METTL15: variants seen among roughly 807,000 people sequenced by gnomAD.
METTL15 encodes the protein 12S rRNA N(4)-cytidine methyltransferase METTL15.
A neutral mutation model predicts 38.3 loss-of-function variants in METTL15; 34 were observed. The observed-to-expected ratio is 0.89, with a 90% CI of 0.68 to 1.18. METTL15 has a LOEUF of 1.18. Among genes scored for constraint, METTL15 ranks in the 50% most tolerant of loss-of-function variants. The pLI is 0.00. For synonymous variants in METTL15, 162 were observed against 170.9 expected (o/e 0.95, Z 0.41); for missense variants, 438 against 498.4 (o/e 0.88, Z 1.15).
chr11:28,334,398 A>G (rs1011275551), downstream of METTL15, among the ~76,000 whole-genome samples: 2 of 152,024 alleles, frequency 1.3e-5, no homozygotes, highest in Admixed American at 6.6e-5. Context: ...TACTGCAATT[A>G]TTTTTCTATT....
intron 6 of METTL15, among the ~76,000 whole-genome samples, chr11:28,431,789 T>TAAAAAAAAAA (rs1564929855): frequency 2.0e-4 from 2 of 9,948 alleles, no homozygotes; most frequent in Non-Finnish European, 6.1e-4. Context: ...AAAAATAAAT[T>TAAAAAAAAAA]TAAAAAAAAA....
At chr11:28,392,424 T>C (rs1850519446) in intron 5 of METTL15, among the ~76,000 whole-genome samples, 1 of 152,004 alleles carries the variant, frequency 6.6e-6, no homozygotes, top group Admixed American at 6.6e-5. Flanking sequence ...AGCCCAGAAA[T>C]AGACCCTTTG....
At chr11:28,226,840 A>G (rs1853498506) in intron 4 of METTL15, among the ~76,000 whole-genome samples, 2 of 151,966 alleles carry the variant, frequency 1.3e-5, no homozygotes, top group African/African-American at 4.8e-5. Context: ...CACAGTTGTT[A>G]CTAATCTTAC....
chr11:28,392,366 T>C (rs780174346), intron 5 of METTL15, among the ~76,000 whole-genome samples: 50 of 152,054 alleles, frequency 3.3e-4, no homozygotes, highest in Non-Finnish European at 5.3e-4. Context: ...TAAAACAGTG[T>C]AGAATTGGTA....
chr11:28,406,116 A>T (rs1850671579), intron 5 of METTL15, among the ~76,000 whole-genome samples: 1 of 152,134 alleles, frequency 6.6e-6, no homozygotes, highest in Admixed American at 6.6e-5. Context: ...TATGAATTTT[A>T]AAATAGTTTT....
chr11:28,413,990 A>C (rs1451803081), intron 5 of METTL15, among the ~76,000 whole-genome samples: 1 of 152,168 alleles, frequency 6.6e-6, no homozygotes, highest in Admixed American at 6.5e-5. Flanking sequence ...AGTCCAAGGC[A>C]TTATATTATC....
intron 5 of METTL15, among the ~76,000 whole-genome samples, chr11:28,390,948 C>T (rs543680819): frequency 1.3e-5 from 2 of 152,202 alleles, no homozygotes; most frequent in East Asian, 3.9e-4. Flanking sequence ...CCTTCACGTC[C>T]CTTGTAAGTT....
At chr11:28,336,856 A>T (rs1849905361), downstream of METTL15, among the ~76,000 whole-genome samples, 2 of 151,998 alleles carry the variant, frequency 1.3e-5, no homozygotes, top group Non-Finnish European at 2.9e-5. Flanking sequence ...TTATTTTTTT[A>T]AAAACATTAC....
intron 3 of METTL15, chr11:28,197,477 A>G (rs1184992079): frequency 2.2e-6 from 1 of 448,280 alleles, no homozygotes. Context: ...TGCATATCCC[A>G]ATTTCCTGGT....
At chr11:28,351,990 A>G (rs1850045672) in intron 3 of METTL15, 1 of 152,236 alleles carries the variant, frequency 6.6e-6, no homozygotes. Flanking sequence ...CACTGTAGAA[A>G]AAAAAATTGT....
At chr11:28,308,852 T>A (rs1857169480) in intron 6 of METTL15, among the ~76,000 whole-genome samples, 1 of 151,866 alleles carries the variant, frequency 6.6e-6, no homozygotes, top group Non-Finnish European at 1.5e-5. Context: ...CTTAGCAGGT[T>A]CATCAGATAG....
intron 6 of METTL15, among the ~76,000 whole-genome samples, chr11:28,489,062 C>T (rs886223896): frequency 6.6e-6 from 1 of 152,136 alleles, no homozygotes; most frequent in Non-Finnish European, 1.5e-5. Context: ...AATGAAGTCT[C>T]TCGATAGAGC....
chr11:28,504,291 G>T (rs561148270), intron 6 of METTL15, among the ~76,000 whole-genome samples: 2 of 151,320 alleles, frequency 1.3e-5, no homozygotes, highest in African/African-American at 2.4e-5. Flanking sequence ...AATGCATGAA[G>T]CATGTTGAAC....
intron 3 of METTL15, among the ~76,000 whole-genome samples, chr11:28,339,455 A>C (rs1228471751): frequency 6.6e-6 from 1 of 151,886 alleles, no homozygotes; most frequent in Non-Finnish European, 1.5e-5. Context: ...CAGATTAGAC[A>C]CAACTAAAAA....
chr11:28,329,083 A>G (rs1849732782), intron 6 of METTL15, among the ~76,000 whole-genome samples: 1 of 152,082 alleles, frequency 6.6e-6, no homozygotes, highest in Admixed American at 6.6e-5. Context: ...TGAGAGTTTT[A>G]TAGTTTGTAC....
chr11:28,209,595 C>T (rs550212217), intron 3 of METTL15, among the ~76,000 whole-genome samples: 3 of 152,142 alleles, frequency 2.0e-5, no homozygotes, highest in Admixed American at 2.0e-4. Flanking sequence ...ATTTTCACCA[C>T]ATTTACATCT....
chr11:28,135,045 A>G (rs940265805), intron 3 of METTL15, among the ~76,000 whole-genome samples: 1 of 152,210 alleles, frequency 6.6e-6, no homozygotes, highest in Non-Finnish European at 1.5e-5. Flanking sequence ...AGCTACAGCC[A>G]GTTATTGCTG....
At chr11:28,483,059 C>G (rs1157482956) in intron 6 of METTL15, among the ~76,000 whole-genome samples, 2 of 152,062 alleles carry the variant, frequency 1.3e-5, no homozygotes, top group African/African-American at 4.8e-5. Flanking sequence ...TGCTGCTAAC[C>G]AGTCCCAAAC....
At chr11:28,324,289 T>C in intron 6 of METTL15, among the ~76,000 whole-genome samples, 1 of 152,200 alleles carries the variant, frequency 6.6e-6, no homozygotes, top group Non-Finnish European at 1.5e-5. Context: ...ACTGAAGATA[T>C]TGAGGATTTT....
Sources: allele counts gnomAD v4.1 joint callset (sites outside exome capture counted in the v4.1 genomes callset), GRCh38; gene constraint gnomAD v4.1.1; transcripts MANE v1.5; gene names NCBI Gene and HGNC (gene_info 2026-07-23, HGNC 2026-07-21).